The following STAG1 variants were observed in gnomAD, a reference collection of about 807,000 sequenced individuals.
The protein encoded by STAG1 is cohesin subunit SA-1.
In STAG1, 26 loss-of-function variants were observed where a neutral mutation model predicts 170.9. The ratio of observed to expected loss-of-function variants is 0.15; its 90% CI spans 0.11 to 0.21. The LOEUF (loss-of-function observed/expected upper bound fraction) is 0.21, where lower values mean the gene tolerates loss of function less well. Ranked by LOEUF, STAG1 falls within the 10% of genes least tolerant of loss-of-function variation. The probability of loss-of-function intolerance (pLI) is 1.00; values close to 1 mark genes in which losing one functional copy is unlikely to be tolerated. For synonymous variants in STAG1, 514 were observed against 497.7 expected (o/e 1.03, Z -0.44); for missense variants, 964 against 1,509.5 (o/e 0.64, Z 5.99).
chr3:136,441,422 AT>A (rs2088629103), intron 15 of STAG1, among the ~76,000 whole-genome samples: 1 of 152,240 alleles, frequency 6.6e-6, no homozygotes, highest in Non-Finnish European at 1.5e-5. Context: ...CAAATATAGC[AT>A]AATAAGCTCT....
intron 1 of STAG1, among the ~76,000 whole-genome samples, chr3:136,714,950 TATATA>T (rs1213318188): frequency 1.7e-4 from 13 of 74,558 alleles, no homozygotes; most frequent in South Asian, 1.6e-3. Context: ...TATATATATA[TATATA>T]TATATATATT....
At chr3:136,742,033 A>T (rs1934696793) in intron 1 of STAG1, among the ~76,000 whole-genome samples, 1 of 152,244 alleles carries the variant, frequency 6.6e-6, no homozygotes, top group Non-Finnish European at 1.5e-5. Flanking sequence ...CTTACAACAG[A>T]GCTTCAAAAT....
intron 1 of STAG1, among the ~76,000 whole-genome samples, chr3:136,687,239 T>C (rs1942558701): frequency 6.6e-6 from 1 of 152,226 alleles, no homozygotes; most frequent in African/African-American, 2.4e-5. Context: ...CAACAGGTAA[T>C]TCCATCTACA....
chr3:136,603,437 G>A (rs1049894120), intron 4 of STAG1, among the ~76,000 whole-genome samples: 3 of 151,940 alleles, frequency 2.0e-5, no homozygotes, highest in African/African-American at 7.3e-5. Flanking sequence ...AAAATGTAGA[G>A]ACGAACATAA....
chr3:136,432,008 C>A (rs2088317415), intron 16 of STAG1, among the ~76,000 whole-genome samples: 1 of 151,882 alleles, frequency 6.6e-6, no homozygotes, highest in Non-Finnish European at 1.5e-5. Context: ...TGCCTCTATT[C>A]CTCTCTCCTT....
intron 20 of STAG1, among the ~76,000 whole-genome samples, chr3:136,420,230 G>C (rs750351038): frequency 1.6e-5 from 2 of 122,834 alleles, no homozygotes; most frequent in East Asian, 2.5e-4. Flanking sequence ...CTGGGCGACA[G>C]AGTGAGACTC....
intron 4 of STAG1, among the ~76,000 whole-genome samples, chr3:136,591,188 A>C (rs1217225568): frequency 2.1e-5 from 3 of 140,444 alleles, no homozygotes; most frequent in African/African-American, 7.7e-5. Flanking sequence ...CAGAATAAAC[A>C]CTGGCAGTTT....
chr3:136,364,740 A>G (rs998681857), intron 25 of STAG1, among the ~76,000 whole-genome samples: 1 of 152,242 alleles, frequency 6.6e-6, no homozygotes, highest in Non-Finnish European at 1.5e-5. Flanking sequence ...AAAAGGTTTC[A>G]TTTAAAACCA....
At chr3:136,648,691 T>G (rs189182112) in intron 1 of STAG1, among the ~76,000 whole-genome samples, 1 of 152,198 alleles carries the variant, frequency 6.6e-6, no homozygotes, top group Non-Finnish European at 1.5e-5. Context: ...TTTCCCCTTC[T>G]ACCTACCCTT....
chr3:136,361,103 C>A (rs780788932), intron 26 of STAG1, among the ~76,000 whole-genome samples: 4 of 152,204 alleles, frequency 2.6e-5, no homozygotes, highest in Non-Finnish European at 5.9e-5. Flanking sequence ...TATTCTTTCT[C>A]TCTTCTACCA....
chr3:136,635,991 T>C (rs190648797), intron 1 of STAG1, among the ~76,000 whole-genome samples: 74 of 152,332 alleles, frequency 4.9e-4, no homozygotes, highest in Non-Finnish European at 3.2e-4. Flanking sequence ...CTCACGCCTG[T>C]AATCCCAGCA....
At chr3:136,584,201 A>G (rs1458521993) in intron 4 of STAG1, among the ~76,000 whole-genome samples, 1 of 152,180 alleles carries the variant, frequency 6.6e-6, no homozygotes, top group African/African-American at 2.4e-5. Context: ...TCTTCCACTG[A>G]TCTTCCTTCA....
At chr3:136,491,758 C>T (rs924318106) in intron 9 of STAG1, among the ~76,000 whole-genome samples, 9 of 152,060 alleles carry the variant, frequency 5.9e-5, no homozygotes, top group East Asian at 1.9e-4. Context: ...GTTGGGAGCC[C>T]GAGGCAGGAA....
intron 5 of STAG1, among the ~76,000 whole-genome samples, chr3:136,563,242 C>A (rs1475875006): frequency 6.6e-6 from 1 of 152,140 alleles, no homozygotes; most frequent in Non-Finnish European, 1.5e-5. Context: ...CTCCCCGACC[C>A]CACTAGTTTC....
chr3:136,618,670 TCCTGGACTAGAC>T (rs1447071669), intron 3 of STAG1, among the ~76,000 whole-genome samples: 1 of 152,142 alleles, frequency 6.6e-6, no homozygotes, highest in Non-Finnish European at 1.5e-5. Flanking sequence ...CAACATAAAA[TCCTGGACTAGAC>T]CCTGATTCAG....
chr3:136,620,568 T>C (rs1436328930), intron 3 of STAG1, among the ~76,000 whole-genome samples: 1 of 152,194 alleles, frequency 6.6e-6, no homozygotes, highest in Admixed American at 6.5e-5. Flanking sequence ...TAAGACCTAT[T>C]TCATAACACT....
chr3:136,495,793 C>G (rs994642610), intron 9 of STAG1, among the ~76,000 whole-genome samples: 5 of 151,496 alleles, frequency 3.3e-5, no homozygotes, highest in Non-Finnish European at 7.4e-5. Context: ...ACGGTGAAAC[C>G]CCATCTCTAC....
intron 25 of STAG1, among the ~76,000 whole-genome samples, chr3:136,365,706 G>A (rs544891630): frequency 6.6e-6 from 1 of 152,138 alleles, no homozygotes; most frequent in South Asian, 2.1e-4. Context: ...TAAATGTAAT[G>A]CCTGCGAATA....
chr3:136,464,206 C>T (rs1031523960), intron 13 of STAG1, among the ~76,000 whole-genome samples: 1 of 151,692 alleles, frequency 6.6e-6, no homozygotes, highest in Admixed American at 6.6e-5. Flanking sequence ...GGCGGATTAC[C>T]TGAGGTCGGG....
Sources: gnomAD v4.1 joint callset for allele counts (sites outside exome capture counted in the v4.1 genomes callset) on GRCh38, gnomAD v4.1.1 for gene constraint, MANE v1.5 for transcripts, NCBI Gene and HGNC (gene_info 2026-07-23, HGNC 2026-07-21) for gene names.